RYR2: variants seen among roughly 807,000 people sequenced by gnomAD.
RYR2 encodes the protein ryanodine receptor 2, also known as cardiac muscle ryanodine receptor-calcium release channel.
In RYR2, 227 loss-of-function variants were observed where a neutral mutation model predicts 601.1. The ratio of observed to expected loss-of-function variants is 0.38; its 90% CI spans 0.34 to 0.42. The LOEUF (loss-of-function observed/expected upper bound fraction) is 0.42. RYR2 is among the 10% of genes least tolerant of loss of function. The probability of loss-of-function intolerance (pLI) is 1.00; values close to 1 mark genes in which losing one functional copy is unlikely to be tolerated. For synonymous variants in RYR2, 2,223 were observed against 2,175.1 expected, an observed-to-expected ratio of 1.02 and a Z score of -0.61; for missense variants, 4,646 against 6,156.5, an observed-to-expected ratio of 0.75 and a Z score of 8.21.
At chr1:237,623,894 TTTTA>T (rs1679366945) in intron 39 of RYR2, 24 bp downstream of exon 39, 2 of 1,436,520 alleles carry the variant, frequency 1.4e-6, no homozygotes, top group East Asian at 4.5e-5. Context: ...GATTAAAAGC[TTTTA>T]TTAATTGTAT....
chr1:237,500,561 A>G (rs1365115673), intron 20 of RYR2, 150 bp from the exon 21 acceptor site: 2 of 635,848 alleles, frequency 3.1e-6, no homozygotes, highest in Non-Finnish European at 5.3e-6. Flanking sequence ...AGAGTTTAAC[A>G]TGTAACATGC....
intron 80 of RYR2, among the ~76,000 whole-genome samples, chr1:237,753,565 A>G (rs1484251517): frequency 6.6e-6 from 1 of 152,196 alleles, no homozygotes; most frequent in Non-Finnish European, 1.5e-5. Context: ...TAGGATATGC[A>G]CTGATAATTC....
intron 73 of RYR2, among the ~76,000 whole-genome samples, chr1:237,718,741 A>G (rs1689465589): frequency 6.6e-6 from 1 of 152,162 alleles, no homozygotes; most frequent in Non-Finnish European, 1.5e-5. Flanking sequence ...ATTTTGGAAA[A>G]AATATATGTC....
At chr1:237,254,933 A>G (rs956061493) in intron 1 of RYR2, among the ~76,000 whole-genome samples, 3 of 152,080 alleles carry the variant, frequency 2.0e-5, no homozygotes, top group Non-Finnish European at 4.4e-5. Flanking sequence ...TGCATGTCTC[A>G]ATGTTTGATT....
At chr1:237,684,620 A>T (rs1686204364) in intron 62 of RYR2, among the ~76,000 whole-genome samples, 1 of 152,202 alleles carries the variant, frequency 6.6e-6, no homozygotes, top group African/African-American at 2.4e-5. Flanking sequence ...AATCGTTTCG[A>T]AGAAGAGGTT....
intron 3 of RYR2, among the ~76,000 whole-genome samples, chr1:237,346,402 T>C (rs1336813485): frequency 7.4e-6 from 1 of 135,040 alleles, no homozygotes; most frequent in Non-Finnish European, 1.7e-5. Flanking sequence ...TCCTGAGGAT[T>C]TGAACAAATT....
Position 237,325,490 on chromosome 1 carries a change from CA to C in RYR2, c.169-5387del, listed in dbSNP as rs201182743. ...GATCATGAGGTCAGGAGATCGAGAC[CA>C]TCCTGGCTAACACGATGAAACCCCA... is the stretch of plus-strand genomic sequence containing the variant. On this transcript the variant is annotated intron_variant, in intron 2 of 104. Transcript: ENST00000366574. 1.1e-4 allele frequency among the ~76,000 whole-genome samples: 16 copies of C among 152,032 alleles called. No individual in the cohort carries two copies. In the East Asian group the frequency reaches 3.1e-3, roughly 30 times the overall value.
chr1:237,042,390 C>A lies in RYR2; in HGVS notation c.-132C>A. The A allele has an allele frequency of 1.1e-6, 1 of 904,218 alleles. No homozygotes were observed. Among genetic ancestry groups the A allele is most frequent in the South Asian group, 5.5e-5 (1 of 18,254 alleles). 56.0% of individuals were successfully genotyped at this position (904,218 alleles called of 1,614,324 possible). On this transcript the variant is annotated 5_prime_UTR_variant, in exon 1 of 105. Transcript: ENST00000366574. ...CTGCAGGCGGGGACCGCCCGGCGCT[C>A]GGCACCCGGCAGCGCGGCCCCCTCC...
At chr1:237,277,641 C>T (rs1051766160) in intron 2 of RYR2, among the ~76,000 whole-genome samples, 20 of 152,070 alleles carry the variant, frequency 1.3e-4, no homozygotes, top group African/African-American at 4.8e-4. Context: ...TCTCTAAAGA[C>T]CAGACCCTGT....
intron 1 of RYR2, among the ~76,000 whole-genome samples, chr1:237,055,207 G>C (rs187643986): frequency 9.1e-4 from 138 of 152,258 alleles, no homozygotes; most frequent in Non-Finnish European, 7.4e-5. Flanking sequence ...GAGAGATGAC[G>C]GGCGAGTACT....
At chr1:237,052,372 G>A (rs1661386653) in intron 1 of RYR2, among the ~76,000 whole-genome samples, 2 of 152,160 alleles carry the variant, frequency 1.3e-5, no homozygotes, top group South Asian at 4.1e-4. Flanking sequence ...ATGGCCAATG[G>A]TGAAGTAAAT....
intron 82 of RYR2, among the ~76,000 whole-genome samples, chr1:237,758,670 A>C (rs951344268): frequency 6.6e-6 from 1 of 152,224 alleles, no homozygotes; most frequent in Non-Finnish European, 1.5e-5. Flanking sequence ...TAGTCTGCTT[A>C]ACTGAGCCCT....
chr1:237,368,127 G>T (rs1201703722), intron 5 of RYR2, among the ~76,000 whole-genome samples: 4 of 152,012 alleles, frequency 2.6e-5, no homozygotes, highest in Non-Finnish European at 4.4e-5. Context: ...AAAAAGTAGA[G>T]GGAGAAAAAA....
chr1:237,624,387 A>G (rs907156092), intron 39 of RYR2, among the ~76,000 whole-genome samples: 1 of 152,226 alleles, frequency 6.6e-6, no homozygotes, highest in African/African-American at 2.4e-5. Flanking sequence ...AGAAGTGCTA[A>G]GAAACTTAGA....
chr1:237,774,765 C>T (rs1048351471), intron 87 of RYR2, among the ~76,000 whole-genome samples: 18 of 152,112 alleles, frequency 1.2e-4, no homozygotes, highest in Non-Finnish European at 2.2e-4. Context: ...ATTCATGTGT[C>T]ATGTCCTGAA....
chr1:237,813,905 GAGAAA>G (rs1661510159), intron 100 of RYR2, among the ~76,000 whole-genome samples: 1 of 152,202 alleles, frequency 6.6e-6, no homozygotes, highest in Non-Finnish European at 1.5e-5. Flanking sequence ...TTCCCTGCAA[GAGAAA>G]ACTCAGTTCC....
At chr1:237,245,491 A>G (rs6660035) in intron 1 of RYR2, among the ~76,000 whole-genome samples, 1,874 of 152,280 alleles carry the variant, frequency 0.012, 30 homozygotes, top group African/African-American at 0.043. Context: ...GGAAATGCTC[A>G]TTTCCATTAA....
intron 35 of RYR2, among the ~76,000 whole-genome samples, chr1:237,609,561 T>C (rs1018335670): frequency 3.3e-5 from 5 of 152,062 alleles, no homozygotes; most frequent in Non-Finnish European, 7.4e-5. Context: ...TTTTGTATTT[T>C]TAGCAGTGGG....
At chr1:237,657,478 A>G (rs966974503) in intron 53 of RYR2, among the ~76,000 whole-genome samples, 3 of 151,974 alleles carry the variant, frequency 2.0e-5, no homozygotes, top group Non-Finnish European at 4.4e-5. Context: ...TCAAGATTAA[A>G]TATTATCAAA....
Sources: allele counts gnomAD v4.1 joint callset (sites outside exome capture counted in the v4.1 genomes callset), GRCh38; gene constraint gnomAD v4.1.1; transcripts MANE v1.5; gene names NCBI Gene and HGNC (gene_info 2026-07-23, HGNC 2026-07-21).